PCBP3: variants seen among roughly 807,000 people sequenced by gnomAD.
The protein encoded by PCBP3 is poly(rC) binding protein 3.
In PCBP3, 25 loss-of-function variants were observed where a neutral mutation model predicts 52.7. The observed-to-expected ratio is 0.47, with a 90% CI of 0.35 to 0.66. PCBP3 has a LOEUF of 0.66. Ranked by LOEUF, PCBP3 falls within the 30% of genes least tolerant of loss-of-function variation. The pLI is 0.01. For synonymous variants in PCBP3, 162 were observed against 183.0 expected, an observed-to-expected ratio of 0.89 and a Z score of 0.93; for missense variants, 391 against 490.3, an observed-to-expected ratio of 0.80 and a Z score of 1.91.
At chr21:45,692,363 G>C (rs1382481297) in intron 2 of PCBP3, among the ~76,000 whole-genome samples, 4 of 150,982 alleles carry the variant, frequency 2.6e-5, no homozygotes, top group African/African-American at 9.7e-5. Flanking sequence ...AAGATCAACA[G>C]AATCTATGAG....
At chr21:45,857,724 A>ATT (rs1227744736) in intron 5 of PCBP3, among the ~76,000 whole-genome samples, 1 of 152,082 alleles carries the variant, frequency 6.6e-6, no homozygotes, top group East Asian at 1.9e-4. Context: ...GGTCACTCAC[A>ATT]TTTGGCTCAG....
At chr21:45,865,931 C>T (rs1016225763) in intron 5 of PCBP3, among the ~76,000 whole-genome samples, 2 of 152,202 alleles carry the variant, frequency 1.3e-5, no homozygotes, top group Admixed American at 6.5e-5. Flanking sequence ...GACTCAGGGC[C>T]ACAGGCCGGA....
At chr21:45,916,737 C>T (rs1286743383) in intron 12 of PCBP3, 1 of 152,250 alleles carries the variant, frequency 6.6e-6, no homozygotes, top group Non-Finnish European at 1.5e-5. Context: ...CAGGCTGCCA[C>T]CAGGCCTGGT....
intron 4 of PCBP3, among the ~76,000 whole-genome samples, chr21:45,790,378 C>G (rs1041577123): frequency 2.0e-5 from 3 of 152,166 alleles, no homozygotes; most frequent in Admixed American, 6.5e-5. Flanking sequence ...AAGTTGTGTC[C>G]AGCACTTGCA....
chr21:45,699,898 C>T (rs1360422714), intron 2 of PCBP3, among the ~76,000 whole-genome samples: 1 of 152,168 alleles, frequency 6.6e-6, no homozygotes, highest in Admixed American at 6.5e-5. Flanking sequence ...GGGACACAGC[C>T]AAACCATATC....
chr21:45,772,334 G>A (rs1202530088), intron 4 of PCBP3, among the ~76,000 whole-genome samples: 2 of 152,160 alleles, frequency 1.3e-5, no homozygotes, highest in East Asian at 3.9e-4. Flanking sequence ...TTTGTGCCTG[G>A]CTTATTTCAC....
chr21:45,782,211 G>A (rs1465944469), intron 4 of PCBP3, among the ~76,000 whole-genome samples: 1 of 152,100 alleles, frequency 6.6e-6, no homozygotes, highest in East Asian at 1.9e-4. Context: ...AAAAACGTGA[G>A]AAATAGACCC....
chr21:45,909,674 C>A (rs569258171), intron 10 of PCBP3, among the ~76,000 whole-genome samples, 188 bp downstream of exon 10: 197 of 151,812 alleles, frequency 1.3e-3, no homozygotes, highest in Non-Finnish European at 2.3e-3. Flanking sequence ...AACTGCACTG[C>A]AGGGACCCAG....
chr21:45,880,437 A>G lies in PCBP3; in HGVS notation c.11-15771A>G, dbSNP rs2095373897. Among the ~76,000 whole-genome samples, 1 of 152,238 alleles carries G rather than the reference A, an allele frequency of 6.6e-6. No homozygotes were observed. Among genetic ancestry groups the G allele is most frequent in the African/African-American group, 2.4e-5 (1 of 41,454 alleles). ...CAGTGACTGTCTGAATGAAAAACGCAGGAGTGGGTGGTGTGGGAGAAAATA... is the reference window on the plus strand; with the variant it reads ...CAGTGACTGTCTGAATGAAAAACGCGGGAGTGGGTGGTGTGGGAGAAAATA... On this transcript the variant is annotated intron_variant, in intron 5 of 17. Coordinates refer to ENST00000681687, the MANE Select transcript of PCBP3 (RefSeq NM_001384156.1). The surrounding 1 kb of genome is among the most constrained non-coding windows in gnomAD (Gnocchi z 5.4).
chr21:45,676,912 C>G (rs1429142432), intron 2 of PCBP3, among the ~76,000 whole-genome samples: 1 of 152,096 alleles, frequency 6.6e-6, no homozygotes, highest in East Asian at 1.9e-4. Flanking sequence ...GCTGGGATTA[C>G]AGATGCATGC....
At chr21:45,644,602 T>G (rs1721416827) in intron 1 of PCBP3, among the ~76,000 whole-genome samples, 1 of 152,114 alleles carries the variant, frequency 6.6e-6, no homozygotes. Flanking sequence ...TAACCAAAAG[T>G]CGGGTCCTAA....
intron 5 of PCBP3, among the ~76,000 whole-genome samples, chr21:45,867,869 C>A (rs2094810564): frequency 6.6e-6 from 1 of 152,286 alleles, no homozygotes; most frequent in East Asian, 1.9e-4. Flanking sequence ...TGGAATTCTG[C>A]TCTGTGGTAA....
At chr21:45,790,410 C>CGCCGTGCCTT (rs2091460853) in intron 4 of PCBP3, among the ~76,000 whole-genome samples, 1 of 152,096 alleles carries the variant, frequency 6.6e-6, no homozygotes, top group Non-Finnish European at 1.5e-5. Flanking sequence ...CAAGGTGGGA[C>CGCCGTGCCTT]GCCGTGCCAT....
chr21:45,682,047 A>G (rs375040113), intron 2 of PCBP3, among the ~76,000 whole-genome samples: 6 of 152,304 alleles, frequency 3.9e-5, no homozygotes, highest in African/African-American at 1.4e-4. Context: ...AGAAGAGCAA[A>G]GCTGAAAAAA....
chr21:45,857,569 C>T (rs2094349899), intron 5 of PCBP3, among the ~76,000 whole-genome samples: 3 of 152,116 alleles, frequency 2.0e-5, no homozygotes, highest in African/African-American at 7.2e-5. Flanking sequence ...CACCTATAAC[C>T]CCCCACCTTT....
At chr21:45,882,083 T>G (rs2095417996) in intron 5 of PCBP3, among the ~76,000 whole-genome samples, 1 of 152,168 alleles carries the variant, frequency 6.6e-6, no homozygotes, top group Admixed American at 6.5e-5. Flanking sequence ...GGTGGTTCTA[T>G]TTCTAGTTTT....
At chr21:45,886,529 T>C (rs1270525278) in intron 5 of PCBP3, among the ~76,000 whole-genome samples, 2 of 141,188 alleles carry the variant, frequency 1.4e-5, no homozygotes, top group African/African-American at 5.4e-5. Flanking sequence ...TCATTGCCTC[T>C]GGTACCAAGG....
At chr21:45,820,411 C>T (rs1569268731) in intron 4 of PCBP3, among the ~76,000 whole-genome samples, 1 of 152,224 alleles carries the variant, frequency 6.6e-6, no homozygotes, top group Admixed American at 6.5e-5. Flanking sequence ...GAGGATGTCA[C>T]GCAGTGTTGG....
intron 12 of PCBP3, chr21:45,914,369 T>C: frequency 2.0e-6 from 1 of 495,052 alleles, no homozygotes. Flanking sequence ...ACGTCTCACG[T>C]TGGAAACAGC....
Sources: allele counts gnomAD v4.1 joint callset (sites outside exome capture counted in the v4.1 genomes callset), GRCh38; gene constraint gnomAD v4.1.1; non-coding constraint Gnocchi (gnomAD v3.1); transcripts MANE v1.5; gene names NCBI Gene and HGNC (gene_info 2026-07-23, HGNC 2026-07-21).